The following DAW1 variants were observed in gnomAD, a reference collection of about 807,000 sequenced individuals.
The protein encoded by DAW1 is dynein assembly factor with WD repeats 1, also known as dynein assembly factor with WD repeat domains 1.
In DAW1, 47 loss-of-function variants were observed where a neutral mutation model predicts 56.5. That is an observed-to-expected ratio of 0.83 (90% CI 0.66 to 1.06). The LOEUF is 1.06. Among genes scored for constraint, DAW1 ranks in the 50% least tolerant of loss-of-function variants. The pLI is 0.00. For synonymous variants in DAW1, 190 were observed against 179.0 expected, an observed-to-expected ratio of 1.06 and a Z score of -0.49; for missense variants, 505 against 499.3, an observed-to-expected ratio of 1.01 and a Z score of -0.11.
At chr2:227,914,214 A>T (rs1030770300) in intron 10 of DAW1, among the ~76,000 whole-genome samples, 8 of 151,988 alleles carry the variant, frequency 5.3e-5, no homozygotes, top group African/African-American at 1.5e-4. Context: ...TTCATCATCT[A>T]TGATCCTGTA....
chr2:227,913,775 TATGGCCACTGAG>T (rs1691884031), intron 10 of DAW1, among the ~76,000 whole-genome samples: 1 of 152,100 alleles, frequency 6.6e-6, no homozygotes, highest in African/African-American at 2.4e-5. Flanking sequence ...TCATGCTCTT[TATGGCCACTGAG>T]ATGCTACAGT....
Position 227,924,144 on chromosome 2 carries a change from A to T in DAW1, c.*176A>T, listed in dbSNP as rs1397440857. On this transcript the variant is annotated 3_prime_UTR_variant, in exon 13 of 13. Transcript: ENST00000309931. ...CCATTAAACATGACAAAGTTATGCC[A>T]CTCCAATATTATTATTTGATGGCGA... 5.7e-6 allele frequency: 4 copies of T among 699,128 alleles called. No homozygotes were observed. In the East Asian group the frequency reaches 1.1e-4, roughly 19 times the overall value. 43.3% of individuals were successfully genotyped at this position (699,128 alleles called of 1,614,324 possible). A position where few individuals can be genotyped will look rare whatever the true frequency, so the allele number is the denominator to read the frequency against.
At chr2:227,875,377 CA>C (rs1184060873) in intron 1 of DAW1, among the ~76,000 whole-genome samples, 1 of 152,166 alleles carries the variant, frequency 6.6e-6, no homozygotes. Context: ...TCCAGCCCTC[CA>C]ATGACTTCTC....
intron 9 of DAW1, 143 bp from the exon 10 acceptor site, chr2:227,906,995 T>A: frequency 1.8e-6 from 1 of 565,476 alleles, no homozygotes; most frequent in Non-Finnish European, 3.1e-6. Flanking sequence ...TAAATCTAAC[T>A]GAACATGCAT....
At chr2:227,894,509 C>T (rs1691360972) in intron 5 of DAW1, among the ~76,000 whole-genome samples, 1 of 152,174 alleles carries the variant, frequency 6.6e-6, no homozygotes, top group Non-Finnish European at 1.5e-5. Flanking sequence ...AGACTTGACT[C>T]TCAATCCTTG....
At position 227,924,077 on chromosome 2, in the gene DAW1, A is replaced by T; in HGVS notation, c.*109A>T. On this transcript the variant is annotated 3_prime_UTR_variant, in exon 13 of 13. Transcript: ENST00000309931. ...TTCTTATACTTTCTCTTTTTCTGCA[A>T]GTCAACTATTTCTACAACTGTCCTT... 1.5e-6 allele frequency: 2 copies of T among 1,316,058 alleles called. No homozygotes were observed. Among genetic ancestry groups the T allele is most frequent in the Non-Finnish European group, 2.1e-6 (2 of 932,846 alleles). The allele number at this position is 1,316,058 out of a possible 1,614,324, so 81.5% of individuals were successfully genotyped here. A position where few individuals can be genotyped will look rare whatever the true frequency, so the allele number is the denominator to read the frequency against.
Position 227,889,845 on chromosome 2 carries a change from G to T in DAW1, c.114-11G>T, listed in dbSNP as rs1393258780. 6.5e-7 allele frequency: 1 copy of T among 1,549,060 alleles called. No homozygotes were observed. Among genetic ancestry groups the T allele is most frequent in the African/African-American group, 1.4e-5 (1 of 70,938 alleles). Reference sequence around the variant, plus strand: ...TAAAATAAAAGAAACTCTTTTTTGGGTGTATTTCAGCACTGATGTCAGTGC... The same window carrying T: ...TAAAATAAAAGAAACTCTTTTTTGGTTGTATTTCAGCACTGATGTCAGTGC... On this transcript the variant is annotated splice_polypyrimidine_tract_variant and intron_variant, in intron 2 of 12. Coordinates refer to ENST00000309931, the MANE Select transcript of DAW1 (RefSeq NM_178821.3).
At chr2:227,898,146 T>G in intron 5 of DAW1, 36 bp from the exon 6 acceptor site, 1 of 1,440,460 alleles carries the variant, frequency 6.9e-7, no homozygotes. Context: ...ATAATGTGTC[T>G]TTTTTTAAAT....
At chr2:227,882,838 A>G (rs556185179) in intron 1 of DAW1, among the ~76,000 whole-genome samples, 1 of 152,282 alleles carries the variant, frequency 6.6e-6, no homozygotes, top group Admixed American at 6.5e-5. Flanking sequence ...TCTTCCTGCC[A>G]CCTTGTGAAG....
At chr2:227,893,726 G>T in intron 4 of DAW1, 69 bp from the exon 5 acceptor site, 1 of 1,546,566 alleles carries the variant, frequency 6.5e-7, no homozygotes, top group Non-Finnish European at 8.7e-7. Context: ...TATCCTACAG[G>T]TAAAACATGA....
chr2:227,914,587 G>A (rs747686644), intron 10 of DAW1, among the ~76,000 whole-genome samples: 7 of 151,900 alleles, frequency 4.6e-5, no homozygotes, highest in African/African-American at 9.7e-5. Context: ...TACATATGAC[G>A]TTACACTAGA....
intron 5 of DAW1, among the ~76,000 whole-genome samples, chr2:227,894,962 C>A (rs1691372789): frequency 6.6e-6 from 1 of 152,088 alleles, no homozygotes; most frequent in South Asian, 2.1e-4. Context: ...TTACATAAAC[C>A]AATAAAATAT....
At chr2:227,891,673 G>C (rs192522524) in intron 4 of DAW1, among the ~76,000 whole-genome samples, 7 of 152,326 alleles carry the variant, frequency 4.6e-5, no homozygotes, top group Admixed American at 1.3e-4. Flanking sequence ...GCAAACAGCA[G>C]CTTCAAGTCT....
intron 8 of DAW1, among the ~76,000 whole-genome samples, chr2:227,905,662 T>G (rs1290047284): frequency 6.6e-6 from 1 of 152,246 alleles, no homozygotes; most frequent in East Asian, 1.9e-4. Context: ...CCTTTACTAT[T>G]TGTTACCCAT....
At chr2:227,873,674 A>G (rs1306217689) in intron 1 of DAW1, among the ~76,000 whole-genome samples, 3 of 152,158 alleles carry the variant, frequency 2.0e-5, no homozygotes, top group Non-Finnish European at 4.4e-5. Context: ...ATCTAGATAA[A>G]TTTATTTTAT....
At chr2:227,922,043 C>T (rs1574677353) in intron 12 of DAW1, among the ~76,000 whole-genome samples, 1 of 152,190 alleles carries the variant, frequency 6.6e-6, no homozygotes, top group Admixed American at 6.5e-5. Context: ...GTCCCAGCTA[C>T]TCAGGAGGCT....
At chr2:227,905,964 C>A (rs937830407) in intron 8 of DAW1, among the ~76,000 whole-genome samples, 4 of 152,168 alleles carry the variant, frequency 2.6e-5, no homozygotes, top group Admixed American at 1.3e-4. Flanking sequence ...CTGTGTTAGC[C>A]AGGATGGTCT....
intron 12 of DAW1, 30 bp from the exon 13 acceptor site, chr2:227,923,904 A>G: frequency 6.2e-7 from 1 of 1,612,492 alleles, no homozygotes; most frequent in South Asian, 1.1e-5. Context: ...AATGAAGAAA[A>G]AAATAACTGC....
intron 10 of DAW1, among the ~76,000 whole-genome samples, chr2:227,909,270 A>ATCTATCTATCTATCTGTCTGTCTG (rs1553603365): frequency 1.4e-5 from 2 of 144,462 alleles, no homozygotes; most frequent in African/African-American, 2.6e-5. Flanking sequence ...CTATCTATCT[A>ATCTATCTATCTATCTGTCTGTCTG]TCTGTCTGTC....
Sources: gnomAD v4.1 joint callset for allele counts (sites outside exome capture counted in the v4.1 genomes callset) on GRCh38, gnomAD v4.1.1 for gene constraint, MANE v1.5 for transcripts, NCBI Gene and HGNC (gene_info 2026-07-23, HGNC 2026-07-21) for gene names.